AVEN: variants seen among roughly 807,000 people sequenced by gnomAD.
AVEN encodes apoptosis and caspase activation inhibitor.
A neutral mutation model predicts 38.1 loss-of-function variants in AVEN; 41 were observed. The observed-to-expected ratio is 1.08, with a 90% CI of 0.84 to 1.40. AVEN has a LOEUF of 1.40. Among genes scored for constraint, AVEN ranks in the 40% most tolerant of loss-of-function variants. The probability of loss-of-function intolerance (pLI) is 0.00; values close to 1 mark genes in which losing one functional copy is unlikely to be tolerated. For missense variants in AVEN, 605 were observed against 438.8 expected (o/e 1.38, Z -3.38); for synonymous variants, 206 against 171.8 (o/e 1.20, Z -1.56).
At chr15:34,075,066 A>G (rs930581638) in exon 1 of AVEN, among the ~76,000 whole-genome samples, 98 of 151,882 alleles carry the variant, frequency 6.5e-4, no homozygotes, top group African/African-American at 2.3e-3. Context: ...AGTCCCAGTT[A>G]CTCAGGAGGC....
chr15:34,051,970 G>T (rs1899938214), intron 5 of AVEN, among the ~76,000 whole-genome samples: 1 of 152,076 alleles, frequency 6.6e-6, no homozygotes, highest in Admixed American at 6.5e-5. Context: ...AATTGAAAAG[G>T]AGGGACTCCT....
chr15:34,013,786 C>T (rs528496333), intron 1 of AVEN, among the ~76,000 whole-genome samples: 109 of 152,224 alleles, frequency 7.2e-4, no homozygotes, highest in African/African-American at 2.5e-3. Context: ...GCTTGTGAGC[C>T]AGTGGGAAGC....
At chr15:33,906,591 A>G (rs528638904) in intron 2 of AVEN, among the ~76,000 whole-genome samples, 63 of 152,196 alleles carry the variant, frequency 4.1e-4, no homozygotes, top group Non-Finnish European at 5.0e-4. Context: ...TTTTTATTGA[A>G]CCTTGAAGAC....
At chr15:33,977,360 G>T (rs780598485) in intron 2 of AVEN, among the ~76,000 whole-genome samples, 2 of 152,124 alleles carry the variant, frequency 1.3e-5, no homozygotes, top group Non-Finnish European at 2.9e-5. Context: ...AGATGAGACA[G>T]ATTCAAAACA....
rs546809534 is a variant in AVEN, at chr15:33,909,850, C to T, written c.446-33855G>A. On this transcript the variant is annotated intron_variant, in intron 2 of 5. Transcript: ENST00000306730. ...TTAAGCATTAAAAACATTTGCTGGC[C>T]GGGCACGGTGGCTCATGTCTGTAAT... Among the ~76,000 whole-genome samples, 177 of 152,102 alleles carry T rather than the reference C, an allele frequency of 1.2e-3. 2 individuals carry two copies. Among genetic ancestry groups the T allele is most frequent in the Non-Finnish European group, 2.2e-3 (149 of 68,012 alleles).
In AVEN at chr15:34,063,740, G is replaced by C. The variant is rs1385024940; in HGVS notation, n.1127-308C>G. On this transcript the variant is annotated intron_variant and non_coding_transcript_variant, in intron 4 of 11. Transcript: ENST00000675287. This position sits in a 1 kb window ranked among gnomAD's most constrained non-coding sequence, Gnocchi z 4.1. Reference sequence around the variant, plus strand: ...CAGGGGAAGAATTCAGTGCTGAAGAGACTGAGGAAACTTTTGTGAAAGCTG... The same window carrying C: ...CAGGGGAAGAATTCAGTGCTGAAGACACTGAGGAAACTTTTGTGAAAGCTG... 1.9e-6 allele frequency: 3 copies of C among 1,614,226 alleles called. No individual in the cohort carries two copies. The highest frequency in any genetic ancestry group is 2.5e-6 in the Non-Finnish European group (3 of 1,180,052).
intron 2 of AVEN, among the ~76,000 whole-genome samples, chr15:33,988,354 C>T (rs1896567913): frequency 6.6e-6 from 1 of 152,182 alleles, no homozygotes; most frequent in South Asian, 2.1e-4. Context: ...CCTGATTCTG[C>T]TACCTAAGAG....
At chr15:33,900,933 A>G (rs1597211223) in intron 2 of AVEN, among the ~76,000 whole-genome samples, 2 of 152,280 alleles carry the variant, frequency 1.3e-5, no homozygotes, top group Admixed American at 1.3e-4. Context: ...ATGTCTATAG[A>G]GCACCCTTGA....
chr15:33,980,936 A>T (rs1015294581), intron 2 of AVEN, among the ~76,000 whole-genome samples: 3 of 152,210 alleles, frequency 2.0e-5, no homozygotes, highest in Admixed American at 6.5e-5. Context: ...ATCAGAACTT[A>T]AAAAAGATTA....
rs535357366 is a variant in AVEN, at chr15:33,961,550, A to T, written c.445+41482T>A. 3.3e-5 allele frequency among the ~76,000 whole-genome samples: 5 copies of T among 150,318 alleles called. No homozygotes were observed. The South Asian group carries it at 6.5e-4, about 20-fold the overall frequency. On this transcript the variant is annotated intron_variant, in intron 2 of 5. Transcript: ENST00000306730. Reference sequence around the variant, plus strand: ...GTGTCTGCACTGGGTGAGGTGGCTCATGCCTGTAATCCCAGCACTTTGGGA... The same window carrying T: ...GTGTCTGCACTGGGTGAGGTGGCTCTTGCCTGTAATCCCAGCACTTTGGGA...
downstream of AVEN, chr15:33,854,760 T>G (rs1459494736): frequency 6.3e-7 from 1 of 1,597,256 alleles, no homozygotes; most frequent in Non-Finnish European, 8.5e-7. Flanking sequence ...TTTCTTCCAT[T>G]CCCAGTCCTT....
chr15:34,022,908 C>T (rs181855762), intron 1 of AVEN, among the ~76,000 whole-genome samples: 3 of 152,336 alleles, frequency 2.0e-5, no homozygotes, highest in Admixed American at 2.0e-4. Context: ...AACAATGAGG[C>T]CGGGCGCGGT....
At chr15:34,011,501 T>C (rs1897636690) in intron 1 of AVEN, among the ~76,000 whole-genome samples, 1 of 152,180 alleles carries the variant, frequency 6.6e-6, no homozygotes, top group Non-Finnish European at 1.5e-5. Context: ...CAAAATACTG[T>C]GGCCATTAAG....
At chr15:34,017,988 T>C (rs77311268) in intron 1 of AVEN, among the ~76,000 whole-genome samples, 2,213 of 152,288 alleles carry the variant, frequency 0.015, 47 homozygotes, top group African/African-American at 0.049. Context: ...TTACCAGTCA[T>C]ATAAAAGTCC....
chr15:34,068,698 A>C (rs1366035164), intron 2 of AVEN, among the ~76,000 whole-genome samples: 4 of 152,194 alleles, frequency 2.6e-5, no homozygotes, highest in African/African-American at 9.7e-5. Flanking sequence ...TTCAATATCT[A>C]ATCCAGGATC....
intron 2 of AVEN, among the ~76,000 whole-genome samples, chr15:33,965,514 T>C (rs747765645): frequency 3.3e-5 from 5 of 152,164 alleles, no homozygotes; most frequent in Non-Finnish European, 7.4e-5. Flanking sequence ...ACTCTAGGTA[T>C]GGACCAAATG....
rs184789916 is a variant in AVEN at position 33,933,161 on chromosome 15, G to A, written c.446-57166C>T. 3.9e-5 allele frequency among the ~76,000 whole-genome samples: 6 copies of A among 152,260 alleles called. No homozygotes were observed. The East Asian group carries it at 5.8e-4, about 15-fold the overall frequency. On this transcript the variant is annotated intron_variant, in intron 2 of 5. Transcript: ENST00000306730. ...CCTGAAAGAATGTCCCTCCTCACAC[G>A]CTGGCAGCTCCAGTATCACAAAGGT...
intron 5 of AVEN, chr15:34,062,789 C>A (rs1045875352): frequency 5.0e-6 from 8 of 1,614,078 alleles, no homozygotes; most frequent in African/African-American, 2.7e-5. Context: ...CTTTGGAACG[C>A]CACAGGTTGT....
chr15:34,044,390 T>A (rs1899606478), intron 5 of AVEN, among the ~76,000 whole-genome samples: 1 of 152,226 alleles, frequency 6.6e-6, no homozygotes, highest in South Asian at 2.1e-4. Flanking sequence ...TCCTTCCTCC[T>A]TGAAACATTT....
Sources: gnomAD v4.1 joint callset for allele counts (sites outside exome capture counted in the v4.1 genomes callset) on GRCh38, gnomAD v4.1.1 for gene constraint, Gnocchi (gnomAD v3.1) non-coding constraint, MANE v1.5 for transcripts, NCBI Gene and HGNC (gene_info 2026-07-23, HGNC 2026-07-21) for gene names.